FMN2: variants seen among roughly 807,000 people sequenced by gnomAD.
FMN2 encodes formin-2.
A neutral mutation model predicts 142.3 loss-of-function variants in FMN2; 51 were observed. The observed-to-expected ratio is 0.36, with a 90% CI of 0.29 to 0.45. The LOEUF (loss-of-function observed/expected upper bound fraction) is 0.45. Among genes scored for constraint, FMN2 ranks in the 20% least tolerant of loss-of-function variants. The pLI, the probability that FMN2 is intolerant of heterozygous loss-of-function variation, is 1.00. For synonymous variants in FMN2, 882 were observed against 869.8 expected, an observed-to-expected ratio of 1.01 and a Z score of -0.25; for missense variants, 1,936 against 2,122.8, an observed-to-expected ratio of 0.91 and a Z score of 1.73.
chr1:240,190,877 G>T (rs1481035560), intron 4 of FMN2, among the ~76,000 whole-genome samples: 4 of 152,156 alleles, frequency 2.6e-5, no homozygotes, highest in Admixed American at 2.6e-4. Context: ...GATGTGCTAA[G>T]TTGTGTTAAT....
intron 15 of FMN2, among the ~76,000 whole-genome samples, chr1:240,406,769 A>AG (rs1438306118): frequency 6.6e-6 from 1 of 152,158 alleles, no homozygotes; most frequent in Admixed American, 6.6e-5. Flanking sequence ...GAAGGATACC[A>AG]GCTCCCCCAG....
chr1:240,200,834 CA>C (rs1267283251), intron 4 of FMN2, among the ~76,000 whole-genome samples: 1 of 152,070 alleles, frequency 6.6e-6, no homozygotes, highest in African/African-American at 2.4e-5. Flanking sequence ...ATGATCTGTA[CA>C]AAAAAGTTCT....
chr1:240,268,834 T>C (rs1019739317), intron 7 of FMN2, among the ~76,000 whole-genome samples: 14 of 152,060 alleles, frequency 9.2e-5, no homozygotes, highest in Non-Finnish European at 1.8e-4. Context: ...AGTTGGCCAT[T>C]TGTATGTCTT....
intron 6 of FMN2, among the ~76,000 whole-genome samples, chr1:240,257,115 C>G (rs1267830323): frequency 6.6e-6 from 1 of 152,170 alleles, no homozygotes; most frequent in Non-Finnish European, 1.5e-5. Context: ...AATGCTGCCC[C>G]TCACACGATC....
intron 6 of FMN2, among the ~76,000 whole-genome samples, chr1:240,230,461 T>C (rs1180649878): frequency 7.6e-6 from 1 of 132,198 alleles, no homozygotes; most frequent in Non-Finnish European, 1.6e-5. Context: ...AGTATTTCTG[T>C]TTTTTCCTAT....
Position 240,093,112 on chromosome 1 carries a change from G to T in FMN2, c.1003G>T (p.Ala335Ser). The T allele has an allele frequency of 7.1e-7, 1 of 1,399,218 alleles. No homozygotes were observed. Among genetic ancestry groups the T allele is most frequent in the Non-Finnish European group, 9.2e-7 (1 of 1,085,942 alleles). The allele number at this position is 1,399,218 out of a possible 1,614,324, so 86.7% of individuals were successfully genotyped here. A position where few individuals can be genotyped will look rare whatever the true frequency, so the allele number is the denominator to read the frequency against. Residue 335 changes from alanine (A) to serine (S), a missense_variant, in exon 1 of 18, where the codon GCC becomes TCC. Around this residue, in one of 8 missense-constraint regions of FMN2, gnomAD observed 751 missense variants for 791.8 expected, o/e 0.95. Transcript: ENST00000319653. ...CGAGGCCGGGCCGGGGGAGGAAGCG[G>T]CCGGAGCCCCCGTGCGAGGGGCTGG... ...FPEAGPGEEAAGAPVRGAGDT... is the reference protein window; with the variant it reads ...FPEAGPGEEASGAPVRGAGDT...
chr1:240,421,040 TC>T (rs1674744284), intron 15 of FMN2, among the ~76,000 whole-genome samples: 1 of 152,182 alleles, frequency 6.6e-6, no homozygotes, highest in Admixed American at 6.5e-5. Flanking sequence ...GAAAGTTTTG[TC>T]GAAGCCAATG....
At chr1:240,442,082 C>A (rs1465324881) in intron 16 of FMN2, among the ~76,000 whole-genome samples, 2 of 152,140 alleles carry the variant, frequency 1.3e-5, no homozygotes, top group Admixed American at 6.5e-5. Context: ...TGTGTCTGTA[C>A]CTGTCCCTTC....
chr1:240,452,915 A>G (rs1189074998), intron 16 of FMN2, among the ~76,000 whole-genome samples: 3 of 152,142 alleles, frequency 2.0e-5, no homozygotes, highest in Admixed American at 2.0e-4. Context: ...TAGTTTTCTT[A>G]ATGTTTTCGT....
chr1:240,201,974 T>C (rs1196379593), intron 4 of FMN2, among the ~76,000 whole-genome samples: 1 of 152,158 alleles, frequency 6.6e-6, no homozygotes, highest in Admixed American at 6.5e-5. Context: ...ACCATTGCAA[T>C]TTGTAGAGTG....
intron 3 of FMN2, among the ~76,000 whole-genome samples, chr1:240,183,171 C>A (rs1317085704): frequency 6.6e-6 from 1 of 151,586 alleles, no homozygotes; most frequent in African/African-American, 2.4e-5. Flanking sequence ...CCCACCTTGG[C>A]CTCCCAAAGT....
chr1:240,432,842 C>T (rs898843411), intron 15 of FMN2, among the ~76,000 whole-genome samples: 3 of 152,076 alleles, frequency 2.0e-5, no homozygotes, highest in African/African-American at 7.2e-5. Flanking sequence ...GCTCAGGGAA[C>T]TTACTCTGTA....
intron 16 of FMN2, among the ~76,000 whole-genome samples, chr1:240,459,672 G>A (rs749524736): frequency 2.2e-5 from 3 of 136,330 alleles, no homozygotes; most frequent in Non-Finnish European, 1.5e-5. Context: ...AGCTGCTATC[G>A]TGCCACTGCA....
At chr1:240,386,764 T>C (rs1472336861) in intron 14 of FMN2, among the ~76,000 whole-genome samples, 1 of 152,186 alleles carries the variant, frequency 6.6e-6, no homozygotes, top group Non-Finnish European at 1.5e-5. Context: ...ATTAAATCAC[T>C]ATTTGTAATC....
In FMN2 at chr1:240,473,990, T is replaced by C; in HGVS notation, c.5143-138T>C. ...CAGATCCCACTTATACTTTTTTCCTTTATGGACTGGTAGACCTTTAACCTT... is the reference window on the plus strand; with the variant it reads ...CAGATCCCACTTATACTTTTTTCCTCTATGGACTGGTAGACCTTTAACCTT... On this transcript the variant is annotated intron_variant, in intron 17 of 17. Transcript: ENST00000319653. The surrounding 1 kb of genome is among the most constrained non-coding windows in gnomAD (Gnocchi z 4.3). The C allele has an allele frequency of 1.5e-6, 1 of 663,042 alleles. No individual in the cohort carries two copies. Among genetic ancestry groups the C allele is most frequent in the South Asian group, 2.2e-5 (1 of 46,416 alleles). The allele number at this position is 663,042 out of a possible 1,614,324, so 41.1% of individuals were successfully genotyped here.
intron 1 of FMN2, among the ~76,000 whole-genome samples, chr1:240,094,955 C>T (rs374990682): frequency 1.3e-5 from 2 of 152,106 alleles, no homozygotes; most frequent in Middle Eastern, 3.2e-3. Flanking sequence ...CTTATAGGGT[C>T]TTACCCTTAA....
chr1:240,349,768 A>G (rs537150696), intron 13 of FMN2, among the ~76,000 whole-genome samples: 130 of 152,282 alleles, frequency 8.5e-4, no homozygotes, highest in African/African-American at 3.0e-3. Context: ...TGACTCAGAG[A>G]AGTCTTTAAA....
chr1:240,249,007 T>C (rs541239498), intron 6 of FMN2, among the ~76,000 whole-genome samples: 3 of 152,278 alleles, frequency 2.0e-5, no homozygotes, highest in African/African-American at 7.2e-5. Flanking sequence ...TAGTCCCATG[T>C]TGAATGAATA....
intron 6 of FMN2, among the ~76,000 whole-genome samples, chr1:240,251,009 A>G (rs1668259521): frequency 6.6e-6 from 1 of 151,594 alleles, no homozygotes; most frequent in Non-Finnish European, 1.5e-5. Flanking sequence ...CAGTTTATCA[A>G]TTTTGTTTAT....
Sources: gnomAD v4.1 joint callset for allele counts (sites outside exome capture counted in the v4.1 genomes callset) on GRCh38, gnomAD v4.1.1 for gene constraint, gnomAD v4.1.1 regional missense constraint, Gnocchi (gnomAD v3.1) non-coding constraint, MANE v1.5 for transcripts, NCBI Gene and HGNC (gene_info 2026-07-23, HGNC 2026-07-21) for gene names.